The following KCNQ5 variants were observed in gnomAD, a reference collection of about 807,000 sequenced individuals.
The protein encoded by KCNQ5 is potassium voltage-gated channel subfamily KQT member 5.
Under a neutral mutation model 98.2 loss-of-function variants are expected in KCNQ5, and 30 were observed. The ratio of observed to expected loss-of-function variants is 0.31; its 90% CI spans 0.23 to 0.41. KCNQ5 has a LOEUF of 0.41. Among genes scored for constraint, KCNQ5 ranks in the 10% least tolerant of loss-of-function variants. KCNQ5 has a pLI of 1.00. For missense variants in KCNQ5, 835 were observed against 1,182.5 expected (o/e 0.71, Z 4.31); for synonymous variants, 458 against 449.4 (o/e 1.02, Z -0.24).
intron 1 of KCNQ5, among the ~76,000 whole-genome samples, chr6:72,665,594 A>G (rs1000619683): frequency 6.6e-6 from 1 of 152,206 alleles, no homozygotes; most frequent in East Asian, 1.9e-4. Context: ...ATCAGGACTC[A>G]CATGGGGGCA....
chr6:72,972,611 G>T (rs919155452), intron 1 of KCNQ5, among the ~76,000 whole-genome samples: 13 of 151,768 alleles, frequency 8.6e-5, no homozygotes, highest in African/African-American at 3.1e-4. Flanking sequence ...TTCTGTTCCT[G>T]TGTTAGTTTG....
intron 11 of KCNQ5, among the ~76,000 whole-genome samples, chr6:73,177,885 T>C (rs1403395128): frequency 6.6e-6 from 1 of 152,216 alleles, no homozygotes. Context: ...GGTAATTAGT[T>C]GTGGCTACAT....
intron 1 of KCNQ5, among the ~76,000 whole-genome samples, chr6:72,911,117 C>T (rs1051351496): frequency 2.0e-5 from 3 of 152,100 alleles, no homozygotes; most frequent in African/African-American, 2.4e-5. Context: ...AATGACAAGA[C>T]GAGATTTATG....
At chr6:72,667,413 T>G (rs1239686685) in intron 1 of KCNQ5, among the ~76,000 whole-genome samples, 2 of 152,176 alleles carry the variant, frequency 1.3e-5, no homozygotes, top group Non-Finnish European at 2.9e-5. Context: ...TTTTTTTGTT[T>G]TGAAAGCTGA....
intron 1 of KCNQ5, among the ~76,000 whole-genome samples, chr6:72,757,538 A>G (rs932755349): frequency 2.0e-5 from 3 of 152,222 alleles, no homozygotes; most frequent in South Asian, 2.1e-4. Context: ...ATTATCTAAC[A>G]CAAAGCCTAT....
chr6:72,912,729 T>C (rs937982996), intron 1 of KCNQ5, among the ~76,000 whole-genome samples: 3 of 152,216 alleles, frequency 2.0e-5, no homozygotes, highest in African/African-American at 7.2e-5. Flanking sequence ...TTCATGACCG[T>C]TGTATCAAAT....
At chr6:72,681,928 G>T (rs1016473598) in intron 1 of KCNQ5, among the ~76,000 whole-genome samples, 3 of 152,168 alleles carry the variant, frequency 2.0e-5, no homozygotes, top group Admixed American at 2.0e-4. Context: ...AGAATCAAAT[G>T]AGTTCTTCCC....
chr6:72,792,239 CT>C (rs752269419), intron 1 of KCNQ5, among the ~76,000 whole-genome samples: 7 of 152,082 alleles, frequency 4.6e-5, no homozygotes, highest in Middle Eastern at 3.2e-3. Context: ...TAGTCTTTCT[CT>C]TTTACCATGC....
intron 1 of KCNQ5, among the ~76,000 whole-genome samples, chr6:72,782,664 C>T (rs989141347): frequency 2.0e-5 from 3 of 152,114 alleles, no homozygotes; most frequent in Non-Finnish European, 4.4e-5. Context: ...TTTGTGTCTC[C>T]TAACCTCCAT....
chr6:72,832,292 C>G (rs1345155552), intron 1 of KCNQ5, among the ~76,000 whole-genome samples: 2 of 152,064 alleles, frequency 1.3e-5, no homozygotes, highest in African/African-American at 4.8e-5. Flanking sequence ...GAGCAGAATC[C>G]TTTTTGTTTT....
intron 1 of KCNQ5, among the ~76,000 whole-genome samples, chr6:72,664,550 G>C (rs919797564): frequency 1.3e-5 from 2 of 152,040 alleles, no homozygotes; most frequent in African/African-American, 2.4e-5. Flanking sequence ...AGCTACTCAG[G>C]AGGCTGAGGC....
intron 1 of KCNQ5, among the ~76,000 whole-genome samples, chr6:72,695,144 T>G (rs1768419277): frequency 6.6e-6 from 1 of 152,194 alleles, no homozygotes; most frequent in Admixed American, 6.5e-5. Flanking sequence ...TTCTATGTCT[T>G]TGCTATTACG....
intron 9 of KCNQ5, among the ~76,000 whole-genome samples, chr6:73,128,637 A>G (rs771921617): frequency 1.2e-4 from 19 of 152,336 alleles, no homozygotes; most frequent in Admixed American, 6.5e-4. Flanking sequence ...TTATCTATAC[A>G]TCTTGCTGCC....
intron 1 of KCNQ5, among the ~76,000 whole-genome samples, chr6:72,760,431 G>T (rs1009637962): frequency 6.9e-6 from 1 of 145,458 alleles, no homozygotes; most frequent in African/African-American, 2.6e-5. Flanking sequence ...TAATAGAATT[G>T]TTTTTTTCAG....
chr6:72,848,183 G>A (rs1777095018), intron 1 of KCNQ5, among the ~76,000 whole-genome samples: 1 of 129,732 alleles, frequency 7.7e-6, no homozygotes, highest in Non-Finnish European at 1.6e-5. Context: ...TAAACTCTCA[G>A]GACAGCCATT....
chr6:73,139,484 G>A (rs571934812), intron 10 of KCNQ5, among the ~76,000 whole-genome samples: 27 of 152,282 alleles, frequency 1.8e-4, no homozygotes, highest in Admixed American at 1.4e-3. Context: ...TGAGGGTAAG[G>A]AGTCAGCATG....
chr6:72,744,110 A>G (rs942971491), intron 1 of KCNQ5, among the ~76,000 whole-genome samples: 1 of 152,188 alleles, frequency 6.6e-6, no homozygotes, highest in East Asian at 1.9e-4. Context: ...CAGAAATGAT[A>G]CCTCTGCTCA....
At chr6:72,915,037 T>C (rs1758561160) in intron 1 of KCNQ5, among the ~76,000 whole-genome samples, 1 of 151,886 alleles carries the variant, frequency 6.6e-6, no homozygotes, top group African/African-American at 2.4e-5. Context: ...GTTACAATAA[T>C]AATACAAGAA....
At chr6:72,658,554 TA>T (rs1473313826) in intron 1 of KCNQ5, among the ~76,000 whole-genome samples, 2 of 119,566 alleles carry the variant, frequency 1.7e-5, no homozygotes, top group Non-Finnish European at 3.3e-5. Context: ...GTGCTGGGAT[TA>T]AAGGATATAT....
Sources: allele counts gnomAD v4.1 joint callset (sites outside exome capture counted in the v4.1 genomes callset), GRCh38; gene constraint gnomAD v4.1.1; transcripts MANE v1.5; gene names NCBI Gene and HGNC (gene_info 2026-07-23, HGNC 2026-07-21).